FAM161B: variants seen among roughly 807,000 people sequenced by gnomAD.
FAM161B encodes the protein protein FAM161B.
Under a neutral mutation model 61.5 loss-of-function variants are expected in FAM161B, and 46 were observed. That is an observed-to-expected ratio of 0.75 (90% CI 0.59 to 0.96). FAM161B has a LOEUF of 0.96. FAM161B is among the 40% of genes least tolerant of loss of function. The pLI is 0.00. For synonymous variants in FAM161B, 284 were observed against 302.7 expected, an observed-to-expected ratio of 0.94 and a Z score of 0.64; for missense variants, 774 against 800.7, an observed-to-expected ratio of 0.97 and a Z score of 0.40.
At chr14:73,926,892 A>C (rs1207828439), downstream of FAM161B, among the ~76,000 whole-genome samples, 1 of 152,202 alleles carries the variant, frequency 6.6e-6, no homozygotes, top group Non-Finnish European at 1.5e-5. Context: ...CCTTGGCAAG[A>C]ATATTTCATA....
chr14:73,940,605 C>T (rs1489649217), intron 5 of FAM161B, among the ~76,000 whole-genome samples: 1 of 152,100 alleles, frequency 6.6e-6, no homozygotes, highest in African/African-American at 2.4e-5. Flanking sequence ...CCCATCATTG[C>T]ACTACTCAAA....
the FAM161B span, chr14:73,923,643 C>G: frequency 1.1e-5 from 15 of 1,339,272 alleles, no homozygotes; most frequent in Non-Finnish European, 1.5e-5. Context: ...GAATATTTTC[C>G]TTTAAATTAA....
Position 73,934,979 on chromosome 14 carries a change from G to GGAGACTGCAGTGAGCA in FAM161B, c.1806-601_1806-586dup, listed in dbSNP as rs904524794. Among the ~76,000 whole-genome samples the GGAGACTGCAGTGAGCA allele has an allele frequency of 4.6e-5, 7 of 151,920 alleles. No homozygotes were observed. In the East Asian group the frequency reaches 1.4e-3, roughly 30 times the overall value. On this transcript the variant is annotated intron_variant, in intron 8 of 8. Transcript: ENST00000286544. The stretch of plus-strand genomic sequence containing the variant: ...GGAGAATCGCTTGAACCCGGGAAGC[G>GGAGACTGCAGTGAGCA]GAGACTGCAGTGAGCAGAGACTGCA...
chr14:73,944,954 TC>T, intron 2 of FAM161B, 69 bp from the exon 3 acceptor site: 1 of 1,278,262 alleles, frequency 7.8e-7, no homozygotes, highest in Admixed American at 3.0e-5. Flanking sequence ...CCAGACCTCC[TC>T]CCCAGTCCTC....
chr14:73,938,229 C>A, intron 5 of FAM161B, 117 bp from the exon 6 acceptor site: 1 of 1,175,118 alleles, frequency 8.5e-7, no homozygotes, highest in Non-Finnish European at 1.2e-6. Flanking sequence ...GAGGCCAAGG[C>A]AGGTGGATCA....
At chr14:73,926,901 T>C (rs1292010056), downstream of FAM161B, among the ~76,000 whole-genome samples, 1 of 152,218 alleles carries the variant, frequency 6.6e-6, no homozygotes, top group Non-Finnish European at 1.5e-5. Context: ...GAATATTTCA[T>C]AAATGGTGCT....
At chr14:73,935,070 A>AAAAAAG (rs112614061) in intron 8 of FAM161B, among the ~76,000 whole-genome samples, 3 of 150,116 alleles carry the variant, frequency 2.0e-5, no homozygotes, top group African/African-American at 4.9e-5. Context: ...TCAAAAAAAA[A>AAAAAAG]AGTCTCAACA....
At position 73,932,773 on chromosome 14, in the gene FAM161B, T is replaced by C; in HGVS notation, c.*1483A>G. On this transcript the variant is annotated 3_prime_UTR_variant, in exon 9 of 9. Transcript: ENST00000286544. ...CTGAATAGCTAGGACTATAGGCATG[T>C]ACCACCAGTCCAGCTAACTTTTTGT... The C allele has an allele frequency of 4.2e-6, 1 of 235,670 alleles. No individual in the cohort carries two copies. Among genetic ancestry groups the C allele is most frequent in the Non-Finnish European group, 8.4e-6 (1 of 118,346 alleles). 14.6% of individuals were successfully genotyped at this position (235,670 alleles called of 1,614,324 possible).
intron 4 of FAM161B, among the ~76,000 whole-genome samples, chr14:73,941,486 T>C (rs181149970): frequency 3.9e-4 from 59 of 152,262 alleles, no homozygotes; most frequent in African/African-American, 1.4e-3. Flanking sequence ...TCATTTTTTT[T>C]CCTGGGAATA....
At chr14:73,923,244 T>A in the FAM161B span, 1 of 832,916 alleles carries the variant, frequency 1.2e-6, no homozygotes, top group Non-Finnish European at 1.7e-6. Flanking sequence ...TCACTGATAA[T>A]GCTTATCAGA....
In FAM161B at chr14:73,932,942, T is replaced by C. The variant is rs1358671430; in HGVS notation, c.*1314A>G. 2 of 152,764 alleles carry C rather than the reference T, an allele frequency of 1.3e-5. No homozygotes were observed. The highest frequency in any genetic ancestry group is 2.9e-5 in the Non-Finnish European group (2 of 68,428). The allele number at this position is 152,764 out of a possible 1,614,324, so 9.5% of individuals were successfully genotyped here. ...CCGAGCCAGAATATCCAATTATTAT[T>C]GGTGAGAAGAAAATTATTCCAAAGT... On this transcript the variant is annotated 3_prime_UTR_variant, in exon 9 of 9. Transcript: ENST00000286544.
chr14:73,923,522 G>A, the FAM161B span: 1 of 1,611,624 alleles, frequency 6.2e-7, no homozygotes, highest in Non-Finnish European at 8.5e-7. Flanking sequence ...ATCCACAAGA[G>A]GTAAAGTGGT....
At chr14:73,931,637 A>G (rs2055917630), downstream of FAM161B, 1 of 1,151,344 alleles carries the variant, frequency 8.7e-7, no homozygotes. Flanking sequence ...ACCAGAATGA[A>G]TCTTTGAAGG....
At chr14:73,942,147 CAT>C (rs2056024225) in intron 4 of FAM161B, among the ~76,000 whole-genome samples, 1 of 152,166 alleles carries the variant, frequency 6.6e-6, no homozygotes. Flanking sequence ...CACACCACCA[CAT>C]GTGGCAAATA....
At chr14:73,927,832 A>AT (rs11461357), downstream of FAM161B, 52,656 of 143,344 alleles carry the variant, frequency 0.37, 9,359 homozygotes, top group East Asian at 0.52. Context: ...TCAACCGGCA[A>AT]TTTTTTTTTT....
At position 73,932,635 on chromosome 14, in the gene FAM161B, T is replaced by G. The variant is rs937217561; in HGVS notation, c.*1621A>C. The G allele has an allele frequency of 5.3e-6, 2 of 373,880 alleles. No individual in the cohort carries two copies. The highest frequency in any genetic ancestry group is 7.2e-5 in the Admixed American group (2 of 27,598). 23.2% of individuals were successfully genotyped at this position (373,880 alleles called of 1,614,324 possible). A position where few individuals can be genotyped will look rare whatever the true frequency, so the allele number is the denominator to read the frequency against. On this transcript the variant is annotated 3_prime_UTR_variant, in exon 9 of 9. Transcript: ENST00000286544. The stretch of plus-strand genomic sequence containing the variant: ...TGAGAAAATATCCACTCATCATCAT[T>G]ATGATTTGAGATGGGGTCTTGCTCT...
chr14:73,938,821 T>C (rs1566673642), intron 5 of FAM161B, among the ~76,000 whole-genome samples: 3 of 152,036 alleles, frequency 2.0e-5, no homozygotes, highest in Non-Finnish European at 4.4e-5. Context: ...TTAGTAACCT[T>C]TTCTGGAAAG....
chr14:73,943,087 C>A (rs111429023), intron 3 of FAM161B, among the ~76,000 whole-genome samples: 4 of 152,160 alleles, frequency 2.6e-5, no homozygotes, highest in African/African-American at 9.7e-5. Context: ...GGGCCAGTAA[C>A]CTGCTCCTCT....
At position 73,944,792 on chromosome 14, in the gene FAM161B, G is replaced by A. The variant is rs768705786; in HGVS notation, c.468C>T (p.Pro156=). 3 of 1,579,848 alleles carry A rather than the reference G, an allele frequency of 1.9e-6. No individual in the cohort carries two copies. The highest frequency in any genetic ancestry group is 1.8e-5 in the Admixed American group (1 of 55,890). ...QTQPPSGSRP[P]SQHRSVSSWA... is the part of the protein sequence containing the mutation. ...AGGAGCTGACGCTTCTGTGCTGGGA[G>A]GGAGGCCGGGAGCCTGAGGGTGGCT... Residue 156 remains proline (P), a synonymous_variant, in exon 3 of 9, where the codon CCC becomes CCT. Transcript: ENST00000286544.
Sources: gnomAD v4.1 joint callset for allele counts (sites outside exome capture counted in the v4.1 genomes callset) on GRCh38, gnomAD v4.1.1 for gene constraint, MANE v1.5 for transcripts, NCBI Gene and HGNC (gene_info 2026-07-23, HGNC 2026-07-21) for gene names.